Variants in CTNND2 observed in about 807,000 individuals in gnomAD.
CTNND2 encodes the protein catenin delta 2.
Under a neutral mutation model 144.4 loss-of-function variants are expected in CTNND2, and 22 were observed. The ratio of observed to expected loss-of-function variants is 0.15; its 90% CI spans 0.11 to 0.22. CTNND2 has a LOEUF of 0.22. Ranked by LOEUF, CTNND2 falls within the 10% of genes least tolerant of loss-of-function variation. CTNND2 has a pLI of 1.00. For missense variants in CTNND2, 1,353 were observed against 1,618.8 expected (o/e 0.84, Z 2.82); for synonymous variants, 751 against 695.6 (o/e 1.08, Z -1.25).
At chr5:11,251,704 T>C (rs1361227839) in intron 9 of CTNND2, among the ~76,000 whole-genome samples, 3 of 152,186 alleles carry the variant, frequency 2.0e-5, no homozygotes, top group East Asian at 1.9e-4. Context: ...TGAACAATTA[T>C]TGGGAGAAGG....
intron 2 of CTNND2, among the ~76,000 whole-genome samples, chr5:11,648,586 T>C (rs1162089639): frequency 2.6e-5 from 4 of 152,238 alleles, no homozygotes; most frequent in African/African-American, 9.6e-5. Context: ...ATCTACCTGA[T>C]GCCTGTTTTG....
chr5:11,229,689 TATATATACAC>T (rs1216686817), intron 10 of CTNND2, among the ~76,000 whole-genome samples: 1 of 151,798 alleles, frequency 6.6e-6, no homozygotes, highest in Non-Finnish European at 1.5e-5. Flanking sequence ...TATAACTGTG[TATATATACAC>T]ATATATATAC....
At chr5:11,783,282 T>C (rs991764434) in intron 1 of CTNND2, among the ~76,000 whole-genome samples, 1 of 152,160 alleles carries the variant, frequency 6.6e-6, no homozygotes, top group East Asian at 1.9e-4. Context: ...TGACCTCCAC[T>C]GACAACTGTC....
chr5:11,560,578 T>A (rs187985589), intron 3 of CTNND2, among the ~76,000 whole-genome samples: 1 of 152,248 alleles, frequency 6.6e-6, no homozygotes, highest in African/African-American at 2.4e-5. Flanking sequence ...AGGGCACTTA[T>A]GGTAAAGTCA....
chr5:11,285,392 G>C (rs1747620025), intron 9 of CTNND2, among the ~76,000 whole-genome samples: 1 of 152,144 alleles, frequency 6.6e-6, no homozygotes, highest in South Asian at 2.1e-4. Flanking sequence ...CTACTGTCCA[G>C]CTCTGGTTCT....
At chr5:11,681,518 C>A (rs1389875301) in intron 2 of CTNND2, among the ~76,000 whole-genome samples, 3 of 152,096 alleles carry the variant, frequency 2.0e-5, no homozygotes, top group Admixed American at 1.3e-4. Flanking sequence ...TGTGCATGTG[C>A]TGAAGTCTCT....
chr5:11,336,364 G>A (rs1014571070), intron 9 of CTNND2, among the ~76,000 whole-genome samples: 1 of 152,172 alleles, frequency 6.6e-6, no homozygotes, highest in Non-Finnish European at 1.5e-5. Context: ...GTATGTGGAT[G>A]CCTATTAAAT....
At chr5:11,775,638 G>A (rs971397835) in intron 1 of CTNND2, among the ~76,000 whole-genome samples, 2 of 152,200 alleles carry the variant, frequency 1.3e-5, no homozygotes, top group Non-Finnish European at 2.9e-5. Flanking sequence ...GGAGGACTGC[G>A]GTTGCTCGTA....
At chr5:11,318,745 G>A (rs1471226624) in intron 9 of CTNND2, among the ~76,000 whole-genome samples, 6 of 150,614 alleles carry the variant, frequency 4.0e-5, no homozygotes, top group Non-Finnish European at 4.4e-5. Context: ...TCTTTCTTCC[G>A]CCCCACCAAG....
chr5:11,383,831 T>A (rs948697346), intron 7 of CTNND2, among the ~76,000 whole-genome samples: 8 of 152,218 alleles, frequency 5.3e-5, no homozygotes, highest in African/African-American at 1.9e-4. Context: ...AAAACATTAG[T>A]CTTTCAATCA....
At chr5:11,125,219 A>C (rs1377292320) in intron 12 of CTNND2, among the ~76,000 whole-genome samples, 1 of 152,156 alleles carries the variant, frequency 6.6e-6, no homozygotes, top group African/African-American at 2.4e-5. Context: ...TAATCCAGCC[A>C]CAGCCTCTCT....
At chr5:11,748,682 ACCT>A (rs1345252262) in intron 1 of CTNND2, among the ~76,000 whole-genome samples, 1 of 152,004 alleles carries the variant, frequency 6.6e-6, no homozygotes, top group Non-Finnish European at 1.5e-5. Context: ...TTTTTAAATT[ACCT>A]CCTAATGAAA....
chr5:11,001,589 C>T lies in CTNND2; in HGVS notation c.3085-8912G>A, dbSNP rs544784954. Among the ~76,000 whole-genome samples, 17 of 152,262 alleles carry T rather than the reference C, an allele frequency of 1.1e-4. No individual in the cohort carries two copies. In the South Asian group the frequency reaches 2.7e-3, roughly 24 times the overall value. On this transcript the variant is annotated intron_variant, in intron 18 of 21. Coordinates refer to ENST00000304623, the MANE Select transcript of CTNND2 (RefSeq NM_001332.4). Reference sequence around the variant, plus strand: ...TCACAGGTTTTATAGCTAGCATCCACGGTTCTTACACTCTATTCTATAAGA... The same window carrying T: ...TCACAGGTTTTATAGCTAGCATCCATGGTTCTTACACTCTATTCTATAAGA...
chr5:11,559,637 C>T (rs1350045459), intron 3 of CTNND2, among the ~76,000 whole-genome samples: 1 of 152,170 alleles, frequency 6.6e-6, no homozygotes. Context: ...AGATCCTTCT[C>T]CCCATTGGAG....
chr5:11,203,622 G>A (rs972121636), intron 10 of CTNND2, among the ~76,000 whole-genome samples: 37 of 152,090 alleles, frequency 2.4e-4, no homozygotes, highest in African/African-American at 8.0e-4. Flanking sequence ...CGATTTATCC[G>A]CCTCGGTCTC....
chr5:11,710,225 C>T (rs1256235015), intron 2 of CTNND2, among the ~76,000 whole-genome samples: 2 of 152,106 alleles, frequency 1.3e-5, no homozygotes, highest in Non-Finnish European at 2.9e-5. Flanking sequence ...TCTCCATCTC[C>T]TAAATCAGGT....
At chr5:11,666,863 G>A (rs928608671) in intron 2 of CTNND2, among the ~76,000 whole-genome samples, 5 of 152,126 alleles carry the variant, frequency 3.3e-5, no homozygotes, top group Non-Finnish European at 5.9e-5. Flanking sequence ...GTGGTTTACT[G>A]CACCATCAAC....
chr5:11,878,995 C>T (rs1735773634), intron 1 of CTNND2, among the ~76,000 whole-genome samples: 2 of 152,174 alleles, frequency 1.3e-5, no homozygotes, highest in Admixed American at 6.5e-5. Context: ...CTTTGATTGC[C>T]TCTGCCAGCT....
At chr5:11,027,883 C>T (rs909867185) in intron 16 of CTNND2, among the ~76,000 whole-genome samples, 4 of 152,186 alleles carry the variant, frequency 2.6e-5, no homozygotes, top group Non-Finnish European at 5.9e-5. Flanking sequence ...GATGAGGTAA[C>T]AGCCTTGCTC....
Sources: allele counts gnomAD v4.1 joint callset (sites outside exome capture counted in the v4.1 genomes callset), GRCh38; gene constraint gnomAD v4.1.1; transcripts MANE v1.5; gene names NCBI Gene and HGNC (gene_info 2026-07-23, HGNC 2026-07-21).